The following PIK3C2G variants were observed in gnomAD, a reference collection of about 807,000 sequenced individuals.
PIK3C2G encodes the protein phosphatidylinositol 3-kinase C2 domain-containing subunit gamma.
PIK3C2G carries 168 observed loss-of-function variants against 181.1 expected under a neutral mutation model. The ratio of observed to expected loss-of-function variants is 0.93; its 90% CI spans 0.82 to 1.05. The LOEUF (loss-of-function observed/expected upper bound fraction) is 1.05. PIK3C2G is among the 50% of genes least tolerant of loss of function. PIK3C2G has a pLI of 0.00. For missense variants in PIK3C2G, 1,869 were observed against 1,732.8 expected, an observed-to-expected ratio of 1.08 and a Z score of -1.40; for synonymous variants, 573 against 592.2, an observed-to-expected ratio of 0.97 and a Z score of 0.47.
At chr12:18,597,009 A>C (rs931214310) in intron 30 of PIK3C2G, among the ~76,000 whole-genome samples, 4 of 152,170 alleles carry the variant, frequency 2.6e-5, no homozygotes, top group African/African-American at 9.7e-5. Context: ...GTTTTTAATT[A>C]GAAAAATATT....
intron 16 of PIK3C2G, among the ~76,000 whole-genome samples, chr12:18,406,145 G>A (rs527778443): frequency 6.6e-6 from 1 of 152,068 alleles, no homozygotes; most frequent in South Asian, 2.1e-4. Flanking sequence ...GTGTTTCTGT[G>A]CCTGGCTTAT....
intron 18 of PIK3C2G, among the ~76,000 whole-genome samples, chr12:18,450,816 C>A (rs1947303665): frequency 6.6e-6 from 1 of 152,290 alleles, no homozygotes; most frequent in South Asian, 2.1e-4. Flanking sequence ...TTTCCCAACA[C>A]CATTTATTAA....
At chr12:18,440,420 G>A (rs2135819761) in intron 18 of PIK3C2G, among the ~76,000 whole-genome samples, 1 of 152,202 alleles carries the variant, frequency 6.6e-6, no homozygotes, top group South Asian at 2.1e-4. Context: ...ATAAGTACTA[G>A]GGAGAAAAAT....
intron 31 of PIK3C2G, among the ~76,000 whole-genome samples, chr12:18,630,988 A>T (rs528269220): frequency 1.2e-3 from 175 of 148,254 alleles, no homozygotes; most frequent in African/African-American, 4.1e-3. Context: ...GCCAGAGTTT[A>T]AAAAAAAAAA....
intron 18 of PIK3C2G, among the ~76,000 whole-genome samples, chr12:18,449,254 T>C (rs1947205251): frequency 1.3e-5 from 2 of 152,100 alleles, no homozygotes; most frequent in African/African-American, 2.4e-5. Flanking sequence ...ATAGCTTTGT[T>C]TGCATATAAC....
the PIK3C2G span, among the ~76,000 whole-genome samples, chr12:18,722,228 G>A: frequency 3.3e-5 from 5 of 151,578 alleles, no homozygotes; most frequent in African/African-American, 1.2e-4. Context: ...CTTGCTCTAT[G>A]TTTCCGTATC....
intron 31 of PIK3C2G, among the ~76,000 whole-genome samples, chr12:18,636,380 G>T (rs559076281): frequency 1.5e-4 from 23 of 152,054 alleles, no homozygotes; most frequent in Non-Finnish European, 2.8e-4. Context: ...TACAAGGCAC[G>T]TGCCACCATG....
At chr12:18,712,710 C>A in the PIK3C2G span, 24,385 of 1,089,004 alleles carry the variant, frequency 0.022, 368 homozygotes, top group Middle Eastern at 0.047. Context: ...GATTTCACTG[C>A]CTACTAATGG....
intron 15 of PIK3C2G, among the ~76,000 whole-genome samples, chr12:18,392,709 A>G (rs1943612533): frequency 6.6e-6 from 1 of 152,100 alleles, no homozygotes; most frequent in Non-Finnish European, 1.5e-5. Context: ...TCATGTGTTT[A>G]GCTCTTGTCC....
At chr12:18,321,120 C>G in intron 7 of PIK3C2G, 88 bp downstream of exon 7, 6 of 729,908 alleles carry the variant, frequency 8.2e-6, no homozygotes, top group Non-Finnish European at 1.4e-5. Flanking sequence ...ATTGTAAAAA[C>G]TGTCCATTCA....
intron 24 of PIK3C2G, among the ~76,000 whole-genome samples, chr12:18,505,962 AG>A (rs1197699476): frequency 6.6e-6 from 1 of 152,220 alleles, no homozygotes; most frequent in East Asian, 1.9e-4. Context: ...ATCTCTTTCT[AG>A]TAGGGGTGAC....
At chr12:18,370,810 C>T in intron 12 of PIK3C2G, among the ~76,000 whole-genome samples, 1 of 152,238 alleles carries the variant, frequency 6.6e-6, no homozygotes, top group South Asian at 2.1e-4. Flanking sequence ...TTATAGCTAA[C>T]TTAAACCTTG....
intron 2 of PIK3C2G, 69 bp downstream of exon 2, chr12:18,282,828 T>C: frequency 9.1e-7 from 1 of 1,104,362 alleles, no homozygotes; most frequent in Non-Finnish European, 1.3e-6. Context: ...ATTGGGTTAA[T>C]TTGGTAATGA....
intron 29 of PIK3C2G, among the ~76,000 whole-genome samples, chr12:18,572,964 C>A: frequency 6.6e-6 from 1 of 152,016 alleles, no homozygotes; most frequent in East Asian, 1.9e-4. Context: ...TACTGAAAAT[C>A]TCAGCCTTTT....
the PIK3C2G span, among the ~76,000 whole-genome samples, chr12:18,726,148 G>A: frequency 2.0e-5 from 3 of 152,014 alleles, no homozygotes; most frequent in Non-Finnish European, 4.4e-5. Context: ...ATTACATAAA[G>A]GAATTAAGTA....
chr12:18,641,327 C>T (rs1451268005), intron 32 of PIK3C2G, among the ~76,000 whole-genome samples: 1 of 152,068 alleles, frequency 6.6e-6, no homozygotes, highest in South Asian at 2.1e-4. Flanking sequence ...GGATTCTGAC[C>T]TTTATTGATA....
intron 1 of PIK3C2G, among the ~76,000 whole-genome samples, chr12:18,274,059 T>C (rs1304293041): frequency 6.6e-6 from 1 of 152,060 alleles, no homozygotes; most frequent in Non-Finnish European, 1.5e-5. Flanking sequence ...AAAATGCTCA[T>C]CATCACTGGC....
chr12:18,479,824 T>A (rs1187637792), intron 18 of PIK3C2G, among the ~76,000 whole-genome samples: 3 of 152,170 alleles, frequency 2.0e-5, no homozygotes, highest in Non-Finnish European at 4.4e-5. Context: ...TGGGCTCTTG[T>A]CATAGGTCGT....
chr12:18,347,181 A>T (rs1939749112), intron 11 of PIK3C2G, among the ~76,000 whole-genome samples: 1 of 152,152 alleles, frequency 6.6e-6, no homozygotes, highest in Non-Finnish European at 1.5e-5. Flanking sequence ...TAGTAAGACA[A>T]AAACATATGC....
Sources: gnomAD v4.1 joint callset for allele counts (sites outside exome capture counted in the v4.1 genomes callset) on GRCh38, gnomAD v4.1.1 for gene constraint, MANE v1.5 for transcripts, NCBI Gene and HGNC (gene_info 2026-07-23, HGNC 2026-07-21) for gene names.